DMXL2: variants seen among roughly 807,000 people sequenced by gnomAD.
The protein encoded by DMXL2 is dmX-like protein 2.
DMXL2 carries 103 observed loss-of-function variants against 331.1 expected under a neutral mutation model. The ratio of observed to expected loss-of-function variants is 0.31; its 90% CI spans 0.27 to 0.37. The LOEUF (loss-of-function observed/expected upper bound fraction) is 0.37, where lower values mean the gene tolerates loss of function less well. Among genes scored for constraint, DMXL2 ranks in the 10% least tolerant of loss-of-function variants. DMXL2 has a pLI of 1.00. For synonymous variants in DMXL2, 1,281 were observed against 1,252.1 expected (o/e 1.02, Z -0.49); for missense variants, 3,171 against 3,642.9 (o/e 0.87, Z 3.33).
chr15:51,594,294 C>T (rs1341971506), intron 1 of DMXL2, among the ~76,000 whole-genome samples: 1 of 152,184 alleles, frequency 6.6e-6, no homozygotes, highest in East Asian at 1.9e-4. Context: ...CACCTCTACA[C>T]AAATAAACTA....
chr15:51,463,358 A>G (rs781439272), intron 33 of DMXL2, 21 bp downstream of exon 33: 1 of 1,360,202 alleles, frequency 7.4e-7, no homozygotes, highest in East Asian at 2.3e-5. Flanking sequence ...ATTACAATAG[A>G]AAATATTTTT....
chr15:51,457,834 G>A (rs745342475), intron 36 of DMXL2: 25 of 179,174 alleles, frequency 1.4e-4, no homozygotes, highest in Non-Finnish European at 2.0e-4. Context: ...CATATAAAAT[G>A]TGAAAGTAAT....
chr15:51,564,435 T>G (rs2050148129), intron 4 of DMXL2, among the ~76,000 whole-genome samples, 175 bp from the exon 5 acceptor site: 1 of 152,020 alleles, frequency 6.6e-6, no homozygotes, highest in African/African-American at 2.4e-5. Flanking sequence ...AAAAAGAATC[T>G]TCTGGACAAC....
chr15:51,501,067 A>G (rs1473449170), intron 17 of DMXL2, among the ~76,000 whole-genome samples: 1 of 152,092 alleles, frequency 6.6e-6, no homozygotes, highest in Non-Finnish European at 1.5e-5. Context: ...ATTATCACGA[A>G]CTCCAATAAA....
intron 20 of DMXL2, among the ~76,000 whole-genome samples, chr15:51,490,341 G>A (rs1217299946): frequency 6.6e-6 from 1 of 152,140 alleles, no homozygotes; most frequent in Non-Finnish European, 1.5e-5. Flanking sequence ...TGGAGAATAT[G>A]CATTTTACAT....
At chr15:51,506,600 C>T (rs891945641) in intron 16 of DMXL2, among the ~76,000 whole-genome samples, 1 of 151,920 alleles carries the variant, frequency 6.6e-6, no homozygotes, top group Non-Finnish European at 1.5e-5. Context: ...ACTACAGGCG[C>T]CCGCCACCAC....
intron 1 of DMXL2, among the ~76,000 whole-genome samples, chr15:51,605,236 T>G (rs980450746): frequency 6.6e-6 from 1 of 152,194 alleles, no homozygotes; most frequent in Non-Finnish European, 1.5e-5. Context: ...CGTCTCACTC[T>G]GTCACTCAGG....
intron 1 of DMXL2, among the ~76,000 whole-genome samples, chr15:51,576,505 C>T (rs2051056274): frequency 6.6e-6 from 1 of 151,912 alleles, no homozygotes; most frequent in South Asian, 2.1e-4. Context: ...TCTCAGTAAA[C>T]CCTAAAGTAT....
At chr15:51,603,973 AT>A (rs1164563628) in intron 1 of DMXL2, among the ~76,000 whole-genome samples, 1 of 152,166 alleles carries the variant, frequency 6.6e-6, no homozygotes, top group Non-Finnish European at 1.5e-5. Flanking sequence ...ATAATAAAAA[AT>A]ATTCTTAATG....
At chr15:51,476,527 AG>A in intron 27 of DMXL2, 61 bp downstream of exon 27, 1 of 1,566,952 alleles carries the variant, frequency 6.4e-7, no homozygotes, top group South Asian at 1.2e-5. Context: ...ACTGGTCAGT[AG>A]GCTTTTAGGA....
chr15:51,534,683 C>T (rs2048187594), intron 13 of DMXL2, among the ~76,000 whole-genome samples: 1 of 152,176 alleles, frequency 6.6e-6, no homozygotes, highest in South Asian at 2.1e-4. Context: ...AAGCTCCAAT[C>T]CAAATGGTTT....
At chr15:51,575,922 T>A in intron 2 of DMXL2, 134 bp downstream of exon 2, 1 of 865,714 alleles carries the variant, frequency 1.2e-6, no homozygotes, top group South Asian at 1.6e-5. Context: ...CCTATCACTT[T>A]GCAACTTCTG....
chr15:51,596,836 C>G (rs2052848028), intron 1 of DMXL2, among the ~76,000 whole-genome samples: 1 of 152,118 alleles, frequency 6.6e-6, no homozygotes, highest in South Asian at 2.1e-4. Context: ...AAACCAAACA[C>G]CGCATGTTCT....
At chr15:51,491,456 T>C in intron 20 of DMXL2, 122 bp downstream of exon 20, 1 of 934,536 alleles carries the variant, frequency 1.1e-6, no homozygotes, top group Non-Finnish European at 1.6e-6. Context: ...AAAAAAAAAA[T>C]TCTCAAGACC....
chr15:51,453,002 T>C (rs563800914), intron 41 of DMXL2, among the ~76,000 whole-genome samples: 118 of 152,242 alleles, frequency 7.8e-4, no homozygotes, highest in African/African-American at 2.8e-3. Context: ...AAATCATATG[T>C]CGTATGTTCT....
intron 6 of DMXL2, among the ~76,000 whole-genome samples, chr15:51,555,484 C>T (rs916974557): frequency 3.9e-5 from 6 of 152,054 alleles, no homozygotes; most frequent in African/African-American, 7.2e-5. Context: ...ACTAGAAGAG[C>T]CCTGGGCACT....
Position 51,456,078 on chromosome 15 carries a change from T to C in DMXL2, c.8514A>G (p.Ser2838=). ...CCCAGAAACTAACCTTGTTGCCTTG[T>C]GAATTAAAATATAATCTAGTAACTC... The part of the protein sequence containing the change: ...NARVTRLYFN[S]QGNKCGVADG... The change falls in exon 39 of 44, where the codon TCA becomes TCG. Residue 2838 remains serine, a synonymous_variant. Coordinates refer to ENST00000560891, the MANE Select transcript of DMXL2 (RefSeq NM_001378457.1). 2 of 1,614,178 alleles carry C rather than the reference T, an allele frequency of 1.2e-6. No individual in the cohort carries two copies. Among genetic ancestry groups the C allele is most frequent in the East Asian group, 2.2e-5 (1 of 44,884 alleles).
At position 51,536,275 on chromosome 15, in the gene DMXL2, A is replaced by T; in HGVS notation, c.2205T>A (p.Pro735=). The T allele has an allele frequency of 1.2e-6, 2 of 1,614,014 alleles. No individual in the cohort carries two copies. The highest frequency in any genetic ancestry group is 1.7e-6 in the Non-Finnish European group (2 of 1,179,910). The change falls in exon 12 of 44, where the codon CCT becomes CCA. Residue 735 remains proline, a synonymous_variant. Coordinates refer to ENST00000560891, the MANE Select transcript of DMXL2 (RefSeq NM_001378457.1). ...CTGATACTCCTCCAGTGTATGACAA[A>T]GGTCCTATTGGGTCTACACGCCACA... is the stretch of plus-strand genomic sequence containing the variant. ...LILWRVDPIG[P]LSYTGGVSEL... is the part of the protein sequence containing the mutation.
rs377517471 is a variant in DMXL2 at position 51,501,494 on chromosome 15, C to A, written c.2993-1263G>T. 6.6e-5 allele frequency among the ~76,000 whole-genome samples: 10 copies of A among 152,146 alleles called. No individual in the cohort carries two copies. The East Asian group carries it at 1.5e-3, about 23-fold the overall frequency. On this transcript the variant is annotated intron_variant, in intron 17 of 43. Coordinates refer to ENST00000560891, the MANE Select transcript of DMXL2 (RefSeq NM_001378457.1). ...TCAAACATTCTTAATAAAGGTGAGA[C>A]GTGATTACCACAATGTGAATGAAGT... is the stretch of plus-strand genomic sequence containing the variant.
Sources: gnomAD v4.1 joint callset for allele counts (sites outside exome capture counted in the v4.1 genomes callset) on GRCh38, gnomAD v4.1.1 for gene constraint, MANE v1.5 for transcripts, NCBI Gene and HGNC (gene_info 2026-07-23, HGNC 2026-07-21) for gene names.